The following TMEM14C variants were observed in gnomAD, a reference collection of about 807,000 sequenced individuals.
TMEM14C encodes the protein transmembrane protein 14C, also known as chromosome 6 open reading frame 53.
TMEM14C carries 13 observed loss-of-function variants against 14.8 expected under a neutral mutation model. The observed-to-expected ratio is 0.88, with a 90% CI of 0.57 to 1.40. TMEM14C has a LOEUF of 1.40. TMEM14C is among the 40% of genes most tolerant of loss of function. The pLI, the probability that TMEM14C is intolerant of heterozygous loss-of-function variation, is 0.00. For synonymous variants in TMEM14C, 57 were observed against 51.3 expected (o/e 1.11, Z -0.48); for missense variants, 142 against 138.8 (o/e 1.02, Z -0.12).
chr6:10,728,361 A>G (rs1320092806), intron 4 of TMEM14C, among the ~76,000 whole-genome samples: 1 of 152,130 alleles, frequency 6.6e-6, no homozygotes, highest in African/African-American at 2.4e-5. Flanking sequence ...GAAAACTAAC[A>G]TATTGATGGC....
At chr6:10,724,830 T>G (rs1318649258) in intron 2 of TMEM14C, 131 bp from the exon 3 acceptor site, 17 of 1,366,134 alleles carry the variant, frequency 1.2e-5, no homozygotes, top group Non-Finnish European at 1.8e-5. Flanking sequence ...CAGAAAGTCA[T>G]CCAACCTCTG....
chr6:10,730,777 CT>C lies in TMEM14C; in HGVS notation c.*112del. 1 of 1,397,630 alleles carries C rather than the reference CT, an allele frequency of 7.2e-7. No homozygotes were observed. The highest frequency in any genetic ancestry group is 1.6e-5 in the South Asian group (1 of 60,778). The allele number at this position is 1,397,630 out of a possible 1,614,324, so 86.6% of individuals were successfully genotyped here. A position where few individuals can be genotyped will look rare whatever the true frequency, so the allele number is the denominator to read the frequency against. On this transcript the variant is annotated 3_prime_UTR_variant, in exon 6 of 6. Transcript: ENST00000229563. ...AGCATTTTTGCATCTGACATTTTAC[CT>C]AAAAAAAAAGACACCAAACTTGGCA...
At chr6:10,729,385 G>C (rs112566408) in intron 5 of TMEM14C, among the ~76,000 whole-genome samples, 4,629 of 151,956 alleles carry the variant, frequency 0.03, 258 homozygotes, top group African/African-American at 0.11. Context: ...CGCCCACTTC[G>C]GCCTCCCAAA....
chr6:10,726,704 CAT>C (rs137913969), intron 4 of TMEM14C, among the ~76,000 whole-genome samples: 1 of 152,232 alleles, frequency 6.6e-6, no homozygotes, highest in African/African-American at 2.4e-5. Context: ...AAACAAAAAA[CAT>C]AGGCATAGAA....
At chr6:10,728,102 T>C (rs1304691818) in intron 4 of TMEM14C, among the ~76,000 whole-genome samples, 1 of 152,214 alleles carries the variant, frequency 6.6e-6, no homozygotes, top group East Asian at 1.9e-4. Context: ...AATTCCTGCG[T>C]AATTTCAGAT....
chr6:10,728,971 C>A, intron 5 of TMEM14C: 1 of 845,368 alleles, frequency 1.2e-6, no homozygotes. Flanking sequence ...TCCATCCAAA[C>A]TCCTCCCTAT....
intron 1 of TMEM14C, among the ~76,000 whole-genome samples, chr6:10,724,084 G>C (rs1246371841): frequency 6.6e-6 from 1 of 152,094 alleles, no homozygotes; most frequent in African/African-American, 2.4e-5. Context: ...AACAAGAACT[G>C]TGAGTTGGAC....
intron 5 of TMEM14C, among the ~76,000 whole-genome samples, chr6:10,729,726 T>C (rs1023017595): frequency 3.9e-5 from 6 of 152,134 alleles, no homozygotes; most frequent in African/African-American, 1.4e-4. Context: ...TACAGTGAGC[T>C]GAGATCATGC....
intron 1 of TMEM14C, among the ~76,000 whole-genome samples, chr6:10,723,557 A>G (rs1041780429): frequency 1.6e-4 from 24 of 150,228 alleles, no homozygotes; most frequent in African/African-American, 5.6e-4. Context: ...CAAGATCCCA[A>G]GCCCGCTGCC....
chr6:10,726,927 A>G (rs1280905528), intron 4 of TMEM14C, among the ~76,000 whole-genome samples: 2 of 152,148 alleles, frequency 1.3e-5, no homozygotes, highest in Non-Finnish European at 2.9e-5. Flanking sequence ...TGATCTGTAC[A>G]TATCAGCTGG....
chr6:10,725,529 G>A (rs1360632334), intron 3 of TMEM14C, among the ~76,000 whole-genome samples: 2 of 152,066 alleles, frequency 1.3e-5, no homozygotes, highest in African/African-American at 4.8e-5. Context: ...TTAATTGACT[G>A]GCCTTATCTC....
Position 10,731,012 on chromosome 6 carries a change from A to T in TMEM14C, c.*346A>T. 1.0e-6 allele frequency: 1 copy of T among 1,002,516 alleles called. No individual in the cohort carries two copies. The highest frequency in any genetic ancestry group is 1.2e-6 in the Non-Finnish European group (1 of 841,364). The allele number at this position is 1,002,516 out of a possible 1,614,324, so 62.1% of individuals were successfully genotyped here. On this transcript the variant is annotated 3_prime_UTR_variant, in exon 6 of 6. Transcript: ENST00000229563. The stretch of plus-strand genomic sequence containing the variant: ...TTCCCTGCTCTGAGGAACAGTGTGA[A>T]AAAAAGTCTTTTAGGAGATTTACAA...
rs368095513 is a variant in TMEM14C, at chr6:10,730,663, T to C, written c.336T>C (p.His112=). 1.9e-6 allele frequency: 3 copies of C among 1,609,848 alleles called. No homozygotes were observed. The highest frequency in any genetic ancestry group is 2.5e-6 in the Non-Finnish European group (3 of 1,177,200). The change falls in exon 6 of 6, where the codon CAT becomes CAC. Residue 112 remains histidine (H), a synonymous_variant. Coordinates refer to ENST00000229563, the MANE Select transcript of TMEM14C (RefSeq NM_016462.4). ...GAGTTAGTATGTTCAACAGACCCCA[T>C]TAGCAGAAGTCATGTTCCAGCTTAG... ...KVGVSMFNRP[H]
chr6:10,725,924 G>A lies in TMEM14C; in HGVS notation c.115G>A (p.Ala39Thr). Residue 39 changes from alanine to threonine, a missense_variant, in exon 4 of 6, where the codon GCT (alanine) becomes ACT (threonine). By Grantham distance (58) the Ala-to-Thr change is moderately conservative (BLOSUM62 0). Transcript: ENST00000229563. ...CCCTCTAGGCAGCGTGCCGTCCCTGGCTGCAGGGCTGCTCTTTGGCAGTCT... is the reference window on the plus strand; with the variant it reads ...CCCTCTAGGCAGCGTGCCGTCCCTGACTGCAGGGCTGCTCTTTGGCAGTCT... ...YVKAGSVPSL[A>T]AGLLFGSLAG... is the part of the protein sequence containing the mutation. 6.2e-7 allele frequency: 1 copy of A among 1,613,916 alleles called. No individual in the cohort carries two copies. Among genetic ancestry groups the A allele is most frequent in the Admixed American group, 1.7e-5 (1 of 60,012 alleles).
intron 2 of TMEM14C, 93 bp from the exon 3 acceptor site, chr6:10,724,868 G>C: frequency 6.8e-7 from 1 of 1,480,428 alleles, no homozygotes; most frequent in African/African-American, 1.4e-5. Context: ...GATAGGACCT[G>C]TGGGGAATGA....
rs564142683 is a variant in TMEM14C, at chr6:10,730,750, G to A, written c.*84G>A. ...TTTCAATATATTAAGAGAAATAAGT[G>A]CAGCATTTTTGCATCTGACATTTTA... On this transcript the variant is annotated 3_prime_UTR_variant, in exon 6 of 6. Transcript: ENST00000229563. 16 of 1,465,258 alleles carry A rather than the reference G, an allele frequency of 1.1e-5. No individual in the cohort carries two copies. The East Asian group carries it at 1.7e-4, about 15-fold the overall frequency. The allele number at this position is 1,465,258 out of a possible 1,614,324, so 90.8% of individuals were successfully genotyped here. A position where few individuals can be genotyped will look rare whatever the true frequency, so the allele number is the denominator to read the frequency against.
chr6:10,725,120 T>A (rs1770818606), intron 3 of TMEM14C, 83 bp downstream of exon 3: 2 of 1,555,988 alleles, frequency 1.3e-6, no homozygotes, highest in African/African-American at 2.7e-5. Flanking sequence ...TGAGAAGCAA[T>A]CTCATTTGAG....
intron 3 of TMEM14C, among the ~76,000 whole-genome samples, chr6:10,725,324 C>T (rs1424586790): frequency 2.0e-5 from 3 of 152,146 alleles, no homozygotes; most frequent in Non-Finnish European, 4.4e-5. Context: ...TCATCAGCCA[C>T]GACCCCCAAG....
intron 4 of TMEM14C, among the ~76,000 whole-genome samples, chr6:10,727,784 GCA>G (rs1335776707): frequency 6.6e-6 from 1 of 151,880 alleles, no homozygotes; most frequent in Non-Finnish European, 1.5e-5. Context: ...TCACGCCACT[GCA>G]CTCTAGCCTG....
Sources: gnomAD v4.1 joint callset for allele counts (sites outside exome capture counted in the v4.1 genomes callset) on GRCh38, gnomAD v4.1.1 for gene constraint, MANE v1.5 for transcripts, NCBI Gene and HGNC (gene_info 2026-07-23, HGNC 2026-07-21) for gene names.